Variants in SYNPR observed in about 807,000 individuals in gnomAD.
The protein encoded by SYNPR is synaptoporin.
SYNPR carries 23 observed loss-of-function variants against 32.9 expected under a neutral mutation model. The ratio of observed to expected loss-of-function variants is 0.70; its 90% CI spans 0.50 to 0.99. The LOEUF (loss-of-function observed/expected upper bound fraction) is 0.99. Ranked by LOEUF, SYNPR falls within the 50% of genes least tolerant of loss-of-function variation. SYNPR has a pLI of 0.00. For missense variants in SYNPR, 318 were observed against 349.3 expected (o/e 0.91, Z 0.71); for synonymous variants, 146 against 135.9 (o/e 1.07, Z -0.52).
chr3:63,590,523 G>A (rs1205340550), intron 4 of SYNPR, among the ~76,000 whole-genome samples: 3 of 54,866 alleles, frequency 5.5e-5, no homozygotes, highest in African/African-American at 8.1e-5. Flanking sequence ...AAAGAACAAA[G>A]CTGGAGGCAT....
chr3:63,523,419 A>G (rs116381938), intron 3 of SYNPR, among the ~76,000 whole-genome samples: 3,781 of 152,268 alleles, frequency 0.025, 64 homozygotes, highest in Non-Finnish European at 0.042. Context: ...AGTTGGCTGC[A>G]TTCTTTGAAA....
At chr3:63,206,718 A>G in the SYNPR span, among the ~76,000 whole-genome samples, 1 of 152,234 alleles carries the variant, frequency 6.6e-6, no homozygotes, top group Non-Finnish European at 1.5e-5. Context: ...AGTATAATGG[A>G]CATGTCAGTC....
At position 63,327,003 on chromosome 3, in the gene SYNPR, A is replaced by G. The variant is rs767015481; in HGVS notation, c.84+48261A>G. On this transcript the variant is annotated intron_variant, in intron 2 of 5. Coordinates refer to ENST00000478300, the MANE Select transcript of SYNPR (RefSeq NM_001130003.2). ...CATTAAAAGACTACTTTCCTCATAG[A>G]AAAAAAAAAATGAACCACTGACACT... is the stretch of plus-strand genomic sequence containing the variant. Among the ~76,000 whole-genome samples, 3 of 146,140 alleles carry G rather than the reference A, an allele frequency of 2.1e-5. No individual in the cohort carries two copies. The South Asian group carries it at 6.5e-4, about 32-fold the overall frequency.
At chr3:63,357,100 T>C (rs2087593156) in intron 2 of SYNPR, among the ~76,000 whole-genome samples, 1 of 152,218 alleles carries the variant, frequency 6.6e-6, no homozygotes, top group South Asian at 2.1e-4. Context: ...TGCTAAACAT[T>C]AGTGCCCTAG....
chr3:63,429,176 C>T (rs1699942297), intron 2 of SYNPR, among the ~76,000 whole-genome samples: 1 of 151,912 alleles, frequency 6.6e-6, no homozygotes, highest in Non-Finnish European at 1.5e-5. Context: ...TGTTTGAGAG[C>T]AAAAAACAGT....
intron 3 of SYNPR, among the ~76,000 whole-genome samples, chr3:63,498,607 A>G (rs1182655645): frequency 6.6e-6 from 1 of 152,172 alleles, no homozygotes; most frequent in East Asian, 1.9e-4. Context: ...GATCTGGAGA[A>G]GAGATTCTTA....
chr3:63,318,031 A>G (rs1286349801), intron 2 of SYNPR, among the ~76,000 whole-genome samples: 1 of 152,080 alleles, frequency 6.6e-6, no homozygotes, highest in East Asian at 1.9e-4. Context: ...TTTGCTGGAT[A>G]CAAAATTATT....
chr3:63,323,699 GA>G (rs1346304055), intron 2 of SYNPR, among the ~76,000 whole-genome samples: 3 of 151,758 alleles, frequency 2.0e-5, no homozygotes, highest in African/African-American at 7.3e-5. Flanking sequence ...AATAGACAAA[GA>G]AAAGAAAAAC....
the SYNPR span, among the ~76,000 whole-genome samples, chr3:63,222,989 C>G: frequency 6.6e-6 from 1 of 152,108 alleles, no homozygotes; most frequent in African/African-American, 2.4e-5. Context: ...TGCTGTAGAT[C>G]AGGCACTCTC....
chr3:63,492,904 T>C (rs1701282349), intron 3 of SYNPR, among the ~76,000 whole-genome samples: 1 of 152,018 alleles, frequency 6.6e-6, no homozygotes, highest in Admixed American at 6.6e-5. Flanking sequence ...TTGAGTTGCC[T>C]AGAAAAGGAC....
chr3:63,458,476 G>A lies in SYNPR; in HGVS notation c.85-22356G>A, dbSNP rs147273731. Among the ~76,000 whole-genome samples, 461 of 152,106 alleles carry A rather than the reference G, an allele frequency of 3.0e-3. 3 individuals are homozygous for A. The highest frequency in any genetic ancestry group is 3.4e-3 in the Middle Eastern group (1 of 294). On this transcript the variant is annotated intron_variant, in intron 2 of 5. Coordinates refer to ENST00000478300, the MANE Select transcript of SYNPR (RefSeq NM_001130003.2). ...TTGATTAGAAAAATGAGGATAATTG[G>A]ACCCCTTACCTGTCATCAAGTGAAC...
intron 3 of SYNPR, among the ~76,000 whole-genome samples, chr3:63,510,471 C>T (rs1031231132): frequency 7.9e-5 from 12 of 152,084 alleles, no homozygotes; most frequent in South Asian, 4.1e-4. Flanking sequence ...CAGTCCTTCA[C>T]ATAAATAAAG....
intron 2 of SYNPR, among the ~76,000 whole-genome samples, chr3:63,426,142 A>C (rs562562656): frequency 4.6e-5 from 7 of 152,194 alleles, no homozygotes; most frequent in East Asian, 3.9e-4. Flanking sequence ...AAAGTTTGCT[A>C]TAAGTATGCC....
chr3:63,336,015 A>G (rs1560196224), intron 2 of SYNPR, among the ~76,000 whole-genome samples: 1 of 152,044 alleles, frequency 6.6e-6, no homozygotes, highest in African/African-American at 2.4e-5. Flanking sequence ...ACCTCAGGTG[A>G]TCCGCCTGCC....
chr3:63,501,754 T>C (rs1204163736), intron 3 of SYNPR, among the ~76,000 whole-genome samples: 2 of 152,162 alleles, frequency 1.3e-5, no homozygotes, highest in African/African-American at 4.8e-5. Flanking sequence ...GACTACATTG[T>C]TATCTATTTT....
At chr3:63,291,787 C>T (rs1298301863) in intron 2 of SYNPR, among the ~76,000 whole-genome samples, 1 of 152,108 alleles carries the variant, frequency 6.6e-6, no homozygotes, top group African/African-American at 2.4e-5. Flanking sequence ...TTACCAGCAA[C>T]AGTACGTAAA....
intron 2 of SYNPR, among the ~76,000 whole-genome samples, chr3:63,420,551 A>G (rs1699772471): frequency 6.6e-6 from 1 of 152,192 alleles, no homozygotes; most frequent in Non-Finnish European, 1.5e-5. Flanking sequence ...AATAAACTCC[A>G]AAGAATTAAA....
intron 3 of SYNPR, among the ~76,000 whole-genome samples, chr3:63,529,566 C>A (rs1231830228): frequency 1.3e-5 from 2 of 152,052 alleles, no homozygotes; most frequent in Non-Finnish European, 2.9e-5. Flanking sequence ...GACAGTTGAA[C>A]CTGAAAAGTT....
chr3:63,262,142 AC>A (rs1466836818), intron 2 of SYNPR, among the ~76,000 whole-genome samples: 1 of 152,090 alleles, frequency 6.6e-6, no homozygotes, highest in Non-Finnish European at 1.5e-5. Context: ...TGGTTACTCA[AC>A]CTAAGTTTTC....
Sources: allele counts gnomAD v4.1 joint callset (sites outside exome capture counted in the v4.1 genomes callset), GRCh38; gene constraint gnomAD v4.1.1; transcripts MANE v1.5; gene names NCBI Gene and HGNC (gene_info 2026-07-23, HGNC 2026-07-21).